PBX4: variants seen among roughly 807,000 people sequenced by gnomAD.
PBX4 encodes the protein PBX homeobox 4.
PBX4 carries 26 observed loss-of-function variants against 35.1 expected under a neutral mutation model. The observed-to-expected ratio is 0.74, with a 90% confidence interval of 0.54 to 1.03. The LOEUF (loss-of-function observed/expected upper bound fraction) is 1.03. Ranked by LOEUF, PBX4 falls within the 50% of genes least tolerant of loss-of-function variation. PBX4 has a pLI of 0.00. For missense variants in PBX4, 448 were observed against 504.3 expected (o/e 0.89, Z 1.07); for synonymous variants, 199 against 204.2 (o/e 0.97, Z 0.22).
intron 1 of PBX4, among the ~76,000 whole-genome samples, chr19:19,606,947 C>T (rs552303559): frequency 5.3e-5 from 8 of 152,120 alleles, no homozygotes; most frequent in Admixed American, 2.6e-4. Context: ...GCCAAGATCG[C>T]GCCACTGAAC....
In PBX4 at chr19:19,563,601, A is replaced by G. The variant is rs1448139309; in HGVS notation, c.940T>C (p.Phe314Leu). ...STPSSGSSGP[F>L]PLPSAGDAFL... ...GCGTCCCCAGCGCTGGGCAGCGGGA[A>G]GGGTCCAGAGGAGCCTGGAAGAGAT... Residue 314 changes from phenylalanine to leucine, a missense_variant, in exon 7 of 8, where the codon TTC becomes CTC. By Grantham distance (22) the Phe-to-Leu change is conservative (BLOSUM62 0). Transcript: ENST00000251203. The surrounding 1 kb of genome is among the most constrained non-coding windows in gnomAD (Gnocchi z 5.1). 1.3e-6 allele frequency: 2 copies of G among 1,549,458 alleles called. No individual in the cohort carries two copies. Among genetic ancestry groups the G allele is most frequent in the Non-Finnish European group, 1.7e-6 (2 of 1,146,706 alleles).
rs538571164 is a variant in PBX4 at position 19,584,836 on chromosome 19, G to A, written c.194-14003C>T. Among the ~76,000 whole-genome samples the A allele has an allele frequency of 1.4e-4, 22 of 151,978 alleles. No individual in the cohort carries two copies. In the East Asian group the frequency reaches 4.3e-3, roughly 30 times the overall value. ...AGATGGGGTTTCACTATGTTGGCCA[G>A]GCTGGTCTCGAGCTCCTGACCTCGT... On this transcript the variant is annotated intron_variant, in intron 2 of 7. Transcript: ENST00000251203.
intron 2 of PBX4, among the ~76,000 whole-genome samples, chr19:19,590,879 G>A (rs534048710): frequency 5.6e-4 from 86 of 152,316 alleles, no homozygotes; most frequent in African/African-American, 2.0e-3. Context: ...CTTTGGCAAT[G>A]ATAGGATGTT....
intron 2 of PBX4, among the ~76,000 whole-genome samples, chr19:19,595,225 T>C (rs2061554059): frequency 6.6e-6 from 1 of 152,118 alleles, no homozygotes; most frequent in Non-Finnish European, 1.5e-5. Context: ...CTTATTTTTA[T>C]TAGGTGAAAA....
intron 2 of PBX4, among the ~76,000 whole-genome samples, chr19:19,586,646 C>CT (rs1222697908): frequency 1.3e-5 from 2 of 151,924 alleles, no homozygotes; most frequent in African/African-American, 4.8e-5. Context: ...AGAGCCACAG[C>CT]TAAGAAAAAC....
At chr19:19,588,115 T>C in intron 2 of PBX4, 1 of 998,672 alleles carries the variant, frequency 1.0e-6, no homozygotes, top group Non-Finnish European at 1.6e-6. Flanking sequence ...CCGTATTTTT[T>C]GCGTTCATAG....
At chr19:19,573,328 T>TACAC (rs1387587008) in intron 2 of PBX4, among the ~76,000 whole-genome samples, 7,815 of 91,966 alleles carry the variant, frequency 0.085, 401 homozygotes, top group Admixed American at 0.1. Context: ...AAAAAAAAAA[T>TACAC]ATACACACAC....
intron 1 of PBX4, among the ~76,000 whole-genome samples, chr19:19,617,486 A>C (rs2061694434): frequency 6.6e-6 from 1 of 151,822 alleles, no homozygotes; most frequent in Admixed American, 6.6e-5. Flanking sequence ...GTCTTACTAC[A>C]TTGTCCAGGT....
At position 19,570,122 on chromosome 19, in the gene PBX4, G is replaced by A; in HGVS notation, c.619C>T (p.Leu207=). The A allele has an allele frequency of 6.2e-7, 1 of 1,605,574 alleles. No individual in the cohort carries two copies. Among genetic ancestry groups the A allele is most frequent in the Non-Finnish European group, 8.5e-7 (1 of 1,175,006 alleles). Residue 207 remains leucine, a synonymous_variant, in exon 4 of 8, where the codon CTG becomes TTG. Coordinates refer to ENST00000251203, the MANE Select transcript of PBX4 (RefSeq NM_025245.3). The part of the protein sequence containing the change: ...CEAVMTLRSR[L]LDARRKRRNF... ...ACAGGCCCTGACCTGGCATCGAGCAGCCGCGAACGCAGGGTCATCACTGCC... is the reference window on the plus strand; with the variant it reads ...ACAGGCCCTGACCTGGCATCGAGCAACCGCGAACGCAGGGTCATCACTGCC...
chr19:19,579,474 C>T (rs1238726315), intron 2 of PBX4, among the ~76,000 whole-genome samples: 1 of 152,210 alleles, frequency 6.6e-6, no homozygotes, highest in Non-Finnish European at 1.5e-5. Context: ...GCAGAAGGCT[C>T]AGAGGGAACC....
intron 2 of PBX4, among the ~76,000 whole-genome samples, chr19:19,591,953 C>A (rs2061530966): frequency 6.6e-6 from 1 of 152,138 alleles, no homozygotes; most frequent in Admixed American, 6.6e-5. Flanking sequence ...CCTCACATCC[C>A]AGGTTCAAGT....
At chr19:19,609,271 C>A (rs2061648854) in intron 1 of PBX4, among the ~76,000 whole-genome samples, 1 of 152,170 alleles carries the variant, frequency 6.6e-6, no homozygotes, top group Non-Finnish European at 1.5e-5. Context: ...AGTGAAGAGC[C>A]AGGCGCAGTA....
rs934382023 is a variant in PBX4 at position 19,563,159 on chromosome 19, C to T, written c.1032+350G>A. On this transcript the variant is annotated intron_variant, in intron 7 of 7. Coordinates refer to ENST00000251203, the MANE Select transcript of PBX4 (RefSeq NM_025245.3). The surrounding 1 kb of genome is among the most constrained non-coding windows in gnomAD (Gnocchi z 5.1). ...GGGAAGGCCCCATCTCTCCTCCGGC[C>T]TCCTCTGCTGGCTGCCTGCCCCTCC... is the stretch of plus-strand genomic sequence containing the variant. Among the ~76,000 whole-genome samples the T allele has an allele frequency of 2.0e-5, 3 of 152,184 alleles. No homozygotes were observed. Among genetic ancestry groups the T allele is most frequent in the Admixed American group, 6.5e-5 (1 of 15,280 alleles).
intron 5 of PBX4, among the ~76,000 whole-genome samples, chr19:19,569,180 TC>T (rs2061364251): frequency 6.6e-6 from 1 of 152,128 alleles, no homozygotes; most frequent in African/African-American, 2.4e-5. Context: ...CACCTCAGCA[TC>T]CGAAGGAGCT....
At chr19:19,576,534 ATT>A (rs200606485) in intron 2 of PBX4, among the ~76,000 whole-genome samples, 18 of 150,934 alleles carry the variant, frequency 1.2e-4, no homozygotes, top group Non-Finnish European at 2.2e-4. Flanking sequence ...AAAAAAAAAA[ATT>A]TTTTTTTTAA....
At position 19,562,268 on chromosome 19, in the gene PBX4, T is replaced by C. The variant is rs751047198; in HGVS notation, c.1033-151A>G. On this transcript the variant is annotated intron_variant, in intron 7 of 7. Transcript: ENST00000251203. The surrounding 1 kb of genome is among the most constrained non-coding windows in gnomAD (Gnocchi z 4.8). ...CCAGCTCAGTGGAGGAGGGAAGGGA[T>C]GGAGGGGTCGGTCCTGGGTCACAGC... is the stretch of plus-strand genomic sequence containing the variant. The C allele has an allele frequency of 1.4e-5, 8 of 585,756 alleles. No individual in the cohort carries two copies. Among genetic ancestry groups the C allele is most frequent in the Non-Finnish European group, 2.4e-5 (8 of 338,004 alleles). The allele number at this position is 585,756 out of a possible 1,614,324, so 36.3% of individuals were successfully genotyped here. A position where few individuals can be genotyped will look rare whatever the true frequency, so the allele number is the denominator to read the frequency against.
intron 2 of PBX4, among the ~76,000 whole-genome samples, chr19:19,581,705 AAGCAGGCCTGTCCAACCC>A: frequency 6.6e-6 from 1 of 152,180 alleles, no homozygotes; most frequent in Non-Finnish European, 1.5e-5. Context: ...GTTTGGTGGG[AAGCAGGCCTGTCCAACCC>A]CAAGAATGCC....
intron 2 of PBX4, among the ~76,000 whole-genome samples, chr19:19,573,560 A>G (rs2061400561): frequency 6.6e-6 from 1 of 152,176 alleles, no homozygotes; most frequent in South Asian, 2.1e-4. Context: ...GTACCCAGGC[A>G]GCGAATGTCC....
At chr19:19,564,558 G>T (rs8108705) in intron 6 of PBX4, among the ~76,000 whole-genome samples, 105,764 of 151,954 alleles carry the variant, frequency 0.7, 36,975 homozygotes, top group East Asian at 0.78. Flanking sequence ...AGCCCATGCC[G>T]GGCTAATTTT....
Sources: gnomAD v4.1 joint callset for allele counts (sites outside exome capture counted in the v4.1 genomes callset) on GRCh38, gnomAD v4.1.1 for gene constraint, Gnocchi (gnomAD v3.1) non-coding constraint, MANE v1.5 for transcripts, NCBI Gene and HGNC (gene_info 2026-07-23, HGNC 2026-07-21) for gene names.